The following UBE4B variants were observed in gnomAD, a reference collection of about 807,000 sequenced individuals.
UBE4B encodes ubiquitination factor E4B.
Under a neutral mutation model 148.1 loss-of-function variants are expected in UBE4B, and 27 were observed. The ratio of observed to expected loss-of-function variants is 0.18; its 90% CI spans 0.13 to 0.25. The LOEUF is 0.25. UBE4B is among the 10% of genes least tolerant of loss of function. UBE4B has a pLI of 1.00. For synonymous variants in UBE4B, 596 were observed against 619.3 expected, an observed-to-expected ratio of 0.96 and a Z score of 0.56; for missense variants, 1,170 against 1,662.4, an observed-to-expected ratio of 0.70 and a Z score of 5.15.
chr1:10,045,982 G>A (rs932298321), intron 1 of UBE4B, among the ~76,000 whole-genome samples: 4 of 152,218 alleles, frequency 2.6e-5, no homozygotes, highest in Non-Finnish European at 4.4e-5. Flanking sequence ...TGGGTAGGAG[G>A]CCGGGGCTGG....
chr1:10,150,678 G>A (rs2101986462), intron 20 of UBE4B, among the ~76,000 whole-genome samples: 1 of 152,036 alleles, frequency 6.6e-6, no homozygotes, highest in Non-Finnish European at 1.5e-5. Context: ...TGGCCAACAT[G>A]GTGAAACCCC....
chr1:10,107,647 G>A (rs1170682352), intron 7 of UBE4B, among the ~76,000 whole-genome samples: 5 of 147,868 alleles, frequency 3.4e-5, no homozygotes, highest in African/African-American at 1.0e-4. Flanking sequence ...GCGCAATCTC[G>A]GCTCACGGCA....
At chr1:10,136,886 C>T (rs1275499142) in intron 16 of UBE4B, among the ~76,000 whole-genome samples, 181 bp from the exon 17 acceptor site, 2 of 152,172 alleles carry the variant, frequency 1.3e-5, no homozygotes, top group African/African-American at 4.8e-5. Context: ...TGCCATTGCA[C>T]TTCTGCCTGG....
At chr1:10,124,798 A>G (rs1645465314) in intron 10 of UBE4B, among the ~76,000 whole-genome samples, 1 of 152,162 alleles carries the variant, frequency 6.6e-6, no homozygotes, top group African/African-American at 2.4e-5. Context: ...CAGTGCTAGG[A>G]GGTATTCATT....
intron 25 of UBE4B, among the ~76,000 whole-genome samples, chr1:10,175,608 G>A (rs546890853): frequency 5.9e-4 from 89 of 151,814 alleles, no homozygotes; most frequent in Middle Eastern, 6.8e-3. Flanking sequence ...CCGAGATCGC[G>A]CCACTGCACT....
chr1:10,152,153 G>A (rs919364835), intron 21 of UBE4B, among the ~76,000 whole-genome samples: 1 of 151,572 alleles, frequency 6.6e-6, no homozygotes. Context: ...GTAGTCCCAG[G>A]GCGGTTGAGG....
chr1:10,053,881 C>G (rs1644109565), intron 1 of UBE4B, among the ~76,000 whole-genome samples: 1 of 151,982 alleles, frequency 6.6e-6, no homozygotes. Flanking sequence ...TAGACAAGGC[C>G]TCGCTATGTT....
intron 8 of UBE4B, 68 bp from the exon 9 acceptor site, chr1:10,119,445 T>A: frequency 6.5e-7 from 1 of 1,528,966 alleles, no homozygotes; most frequent in Non-Finnish European, 9.0e-7. Context: ...CTTTTAACTC[T>A]TATTTTTAAC....
At chr1:10,053,805 T>G (rs1393300614) in intron 1 of UBE4B, among the ~76,000 whole-genome samples, 1 of 152,124 alleles carries the variant, frequency 6.6e-6, no homozygotes, top group East Asian at 1.9e-4. Context: ...TCCTCCCACC[T>G]CAGCCTTCTA....
chr1:10,153,490 TAA>T (rs1045427991), intron 21 of UBE4B, among the ~76,000 whole-genome samples: 44 of 49,210 alleles, frequency 8.9e-4, no homozygotes, highest in African/African-American at 1.6e-3. Flanking sequence ...ACCCTGTTTC[TAA>T]AAAAAAAAAA....
chr1:10,152,248 G>T (rs953866550), intron 21 of UBE4B, among the ~76,000 whole-genome samples: 1 of 142,652 alleles, frequency 7.0e-6, no homozygotes, highest in Non-Finnish European at 1.5e-5. Context: ...AAGAGAACAA[G>T]ACTCCGTCTC....
In UBE4B at chr1:10,179,461, C is replaced by G. The variant is rs1646474407; in HGVS notation, c.3746C>G (p.Ser1249Cys). 6.2e-7 allele frequency: 1 copy of G among 1,614,116 alleles called. No homozygotes were observed. The highest frequency in any genetic ancestry group is 8.5e-7 in the Non-Finnish European group (1 of 1,180,040). ...TLMTDPVRLPSGTIMDRSIIL... is the reference protein window; with the variant it reads ...TLMTDPVRLPCGTIMDRSIIL... ...ATGACAGACCCCGTGCGGCTGCCCT[C>G]TGGCACCATCATGGACCGCTCCATC... Residue 1249 changes from serine (S) to cysteine (C), a missense_variant, in exon 27 of 28, where the codon TCT becomes TGT. Ser to Cys is a moderately radical substitution (Grantham distance 112). Around this residue, in one of 6 missense-constraint regions of UBE4B, gnomAD observed 348 missense variants for 627.2 expected, o/e 0.55. Transcript: ENST00000343090.
In UBE4B at chr1:10,171,265, A is replaced by G; in HGVS notation, c.3461A>G (p.Gln1154Arg). The G allele has an allele frequency of 1.2e-6, 2 of 1,614,252 alleles. No individual in the cohort carries two copies. The highest frequency in any genetic ancestry group is 1.7e-6 in the Non-Finnish European group (2 of 1,180,050). ...YGFEPKKLLD[Q>R]LTDIYLQLDC... ...TTTGAACCAAAGAAGCTGTTGGACCAACTGACGGATATTTACTTACAGCTG... is the reference window on the plus strand; with the variant it reads ...TTTGAACCAAAGAAGCTGTTGGACCGACTGACGGATATTTACTTACAGCTG... Residue 1154 changes from glutamine (Q) to arginine (R), a missense_variant, in exon 25 of 28, where the codon CAA (glutamine) becomes CGA (arginine). By Grantham distance (43) the Gln-to-Arg change is conservative. Coordinates refer to ENST00000343090, the MANE Select transcript of UBE4B (RefSeq NM_001105562.3).
Position 10,180,132 on chromosome 1 carries a change from G to A in UBE4B, c.*176G>A. 1.5e-6 allele frequency: 1 copy of A among 664,952 alleles called. No homozygotes were observed. Among genetic ancestry groups the A allele is most frequent in the South Asian group, 1.9e-5 (1 of 52,854 alleles). 41.2% of individuals were successfully genotyped at this position (664,952 alleles called of 1,614,324 possible). A position where few individuals can be genotyped will look rare whatever the true frequency, so the allele number is the denominator to read the frequency against. On this transcript the variant is annotated 3_prime_UTR_variant, in exon 28 of 28. Coordinates refer to ENST00000343090, the MANE Select transcript of UBE4B (RefSeq NM_001105562.3). ...TGAAAGGACATGGATGAGAAGAGGA[G>A]CCCGCTTCCTGTACATATATTTAAG...
At position 10,168,614 on chromosome 1, in the gene UBE4B, C is replaced by T. The variant is rs899066205; in HGVS notation, c.3333+344C>T. 3.9e-5 allele frequency among the ~76,000 whole-genome samples: 6 copies of T among 152,086 alleles called. No individual in the cohort carries two copies. The highest frequency in any genetic ancestry group is 2.1e-4 in the South Asian group (1 of 4,824). On this transcript the variant is annotated intron_variant, in intron 24 of 27. Coordinates refer to ENST00000343090, the MANE Select transcript of UBE4B (RefSeq NM_001105562.3). The surrounding 1 kb of genome is among the most constrained non-coding windows in gnomAD (Gnocchi z 4.9). ...TACTTATAGAAAAAGCATAAGGTGC[C>T]GGGTGCGGTGGCTCACGCCTGTAAT...
chr1:10,119,053 T>G (rs1423656288), intron 8 of UBE4B, among the ~76,000 whole-genome samples: 1 of 151,696 alleles, frequency 6.6e-6, no homozygotes, highest in East Asian at 1.9e-4. Context: ...TGGCTAATTT[T>G]TTGTCTTTTA....
intron 23 of UBE4B, among the ~76,000 whole-genome samples, chr1:10,167,531 G>A (rs1409971575): frequency 6.6e-6 from 1 of 150,376 alleles, no homozygotes; most frequent in Non-Finnish European, 1.5e-5. Context: ...GTGCCATGAT[G>A]TGTGTCAGAT....
chr1:10,054,695 C>A, intron 1 of UBE4B: 1 of 262,550 alleles, frequency 3.8e-6, no homozygotes, highest in Non-Finnish European at 7.5e-6. Context: ...ACATTGTAGA[C>A]TCTTCCAGTC....
At chr1:10,120,365 A>G (rs532022599) in intron 9 of UBE4B, among the ~76,000 whole-genome samples, 3 of 152,214 alleles carry the variant, frequency 2.0e-5, no homozygotes, top group African/African-American at 7.2e-5. Context: ...TACTAAAAAT[A>G]CAAAAGACTT....
Sources: allele counts gnomAD v4.1 joint callset (sites outside exome capture counted in the v4.1 genomes callset), GRCh38; gene constraint gnomAD v4.1.1; regional missense constraint gnomAD v4.1.1; non-coding constraint Gnocchi (gnomAD v3.1); transcripts MANE v1.5; gene names NCBI Gene and HGNC (gene_info 2026-07-23, HGNC 2026-07-21).